Variants in TCF3 observed in about 807,000 individuals in gnomAD.
The protein encoded by TCF3 is transcription factor E2-alpha.
A neutral mutation model predicts 72.3 loss-of-function variants in TCF3; 54 were observed. The ratio of observed to expected loss-of-function variants is 0.75; its 90% CI spans 0.60 to 0.94. The LOEUF (loss-of-function observed/expected upper bound fraction) is 0.94, where lower values mean the gene tolerates loss of function less well. TCF3 is among the 40% of genes least tolerant of loss of function. TCF3 has a pLI of 0.00. For synonymous variants in TCF3, 525 were observed against 412.6 expected (o/e 1.27, Z -3.30); for missense variants, 1,078 against 934.4 (o/e 1.15, Z -2.00).
intron 3 of TCF3, among the ~76,000 whole-genome samples, chr19:1,635,448 C>G (rs1442491019): frequency 6.6e-6 from 1 of 152,130 alleles, no homozygotes; most frequent in Non-Finnish European, 1.5e-5. Context: ...AAAGACCAAA[C>G]TCTTTCCTGA....
rs755143630 is a variant in TCF3, at chr19:1,615,637, T to C, written c.1586+49A>G. 32 of 1,583,426 alleles carry C rather than the reference T, an allele frequency of 2.0e-5. No homozygotes were observed. Among genetic ancestry groups the C allele is most frequent in the Non-Finnish European group, 2.6e-5 (30 of 1,166,312 alleles). ...GGTGTGCGTGTGGCCTGTGCACATGTGCGTCCTGATGGGGTGAGGGTGGGG... is the reference window on the plus strand; with the variant it reads ...GGTGTGCGTGTGGCCTGTGCACATGCGCGTCCTGATGGGGTGAGGGTGGGG... On this transcript the variant is annotated intron_variant, in intron 17 of 18. Coordinates refer to ENST00000262965, the MANE Select transcript of TCF3 (RefSeq NM_003200.5). The surrounding 1 kb of genome is among the most constrained non-coding windows in gnomAD (Gnocchi z 7.3).
chr19:1,632,139 G>A, intron 4 of TCF3, 23 bp from the exon 5 acceptor site: 1 of 1,609,172 alleles, frequency 6.2e-7, no homozygotes, highest in African/African-American at 1.3e-5. Context: ...GGGTGGGGAT[G>A]AGAGGTGCTG....
rs111887751 is a variant in TCF3, at chr19:1,648,822, G to T, written c.72+1355C>A. Among the ~76,000 whole-genome samples the T allele has an allele frequency of 1.6e-4, 23 of 148,148 alleles. 1 individual carries two copies. Among genetic ancestry groups the T allele is most frequent in the African/African-American group, 2.9e-4 (11 of 38,358 alleles). ...CCAAACGCTGCCACTGGGCATGGGG[G>T]GGGGGGGGGAGCAGAATTTAAGGAC... On this transcript the variant is annotated intron_variant, in intron 2 of 18. Transcript: ENST00000262965.
chr19:1,617,957 G>A (rs2061724267), intron 16 of TCF3, among the ~76,000 whole-genome samples: 1 of 152,168 alleles, frequency 6.6e-6, no homozygotes, highest in Non-Finnish European at 1.5e-5. Flanking sequence ...GCCTAGGAGT[G>A]ATAGAATCAA....
At position 1,614,353 on chromosome 19, in the gene TCF3, G is replaced by A. The variant is rs911738591; in HGVS notation, c.1822+932C>T. 1.3e-5 allele frequency among the ~76,000 whole-genome samples: 2 copies of A among 152,220 alleles called. No individual in the cohort carries two copies. The highest frequency in any genetic ancestry group is 2.4e-5 in the African/African-American group (1 of 41,456). On this transcript the variant is annotated intron_variant, in intron 18 of 18. Transcript: ENST00000262965. The surrounding 1 kb of genome is among the most constrained non-coding windows in gnomAD (Gnocchi z 5.6). ...TTCTTCCCGCAAGCCCTGACGGGGG[G>A]CTTTGGGGGAGGAAACGCCCTGAGG...
intron 5 of TCF3, among the ~76,000 whole-genome samples, chr19:1,631,615 G>C (rs1480446123): frequency 6.6e-6 from 1 of 152,050 alleles, no homozygotes; most frequent in Admixed American, 6.6e-5. Flanking sequence ...CAGGGAAAGA[G>C]GGCGGGCGGG....
chr19:1,644,115 A>G (rs1287744357), intron 3 of TCF3, among the ~76,000 whole-genome samples: 1 of 152,210 alleles, frequency 6.6e-6, no homozygotes, highest in Non-Finnish European at 1.5e-5. Flanking sequence ...CTCGGAGAGG[A>G]GAAGCAGGAA....
At chr19:1,627,482 C>T (rs975213796) in intron 5 of TCF3, 56 bp from the exon 6 acceptor site, 4 of 1,519,442 alleles carry the variant, frequency 2.6e-6, no homozygotes, top group East Asian at 2.3e-5. Context: ...ATCCTGAGGG[C>T]CCCCGAGTGC....
chr19:1,611,337 T>G lies in TCF3; in HGVS notation c.*370A>C, dbSNP rs1252110185. 4 of 393,726 alleles carry G rather than the reference T, an allele frequency of 1.0e-5. No individual in the cohort carries two copies. Among genetic ancestry groups the G allele is most frequent in the African/African-American group, 2.1e-5 (1 of 48,434 alleles). 24.4% of individuals were successfully genotyped at this position (393,726 alleles called of 1,614,324 possible). ...CATTTTTTTCTTCTCTGACAAAGTG[T>G]ATGTTTTGTTGCTTGCTTTCAGGTT... On this transcript the variant is annotated 3_prime_UTR_variant, in exon 19 of 19. Coordinates refer to ENST00000262965, the MANE Select transcript of TCF3 (RefSeq NM_003200.5).
intron 7 of TCF3, 87 bp from the exon 8 acceptor site, chr19:1,624,087 C>T: frequency 1.4e-6 from 2 of 1,386,252 alleles, no homozygotes; most frequent in South Asian, 1.2e-5. Flanking sequence ...CCTCACAATT[C>T]CCGTTTCATA....
At chr19:1,619,041 C>A in intron 16 of TCF3, 70 bp downstream of exon 16, 1 of 1,593,988 alleles carries the variant, frequency 6.3e-7, no homozygotes, top group South Asian at 1.1e-5. Context: ...ACCCTGACCC[C>A]CACCACTAGA....
At chr19:1,634,729 G>C (rs536846045) in intron 3 of TCF3, among the ~76,000 whole-genome samples, 2 of 152,186 alleles carry the variant, frequency 1.3e-5, no homozygotes, top group Non-Finnish European at 1.5e-5. Context: ...AGTAAATACC[G>C]GGTAGGACTG....
intron 4 of TCF3, 69 bp downstream of exon 4, chr19:1,632,263 C>T (rs1041563675): frequency 1.2e-5 from 18 of 1,548,106 alleles, no homozygotes; most frequent in African/African-American, 2.7e-5. Flanking sequence ...GCCTCAGTTT[C>T]CCCACACCCC....
At position 1,622,368 on chromosome 19, in the gene TCF3, G is replaced by T; in HGVS notation, c.597C>A (p.Ala199=). 1 of 1,527,672 alleles carries T rather than the reference G, an allele frequency of 6.5e-7. No individual in the cohort carries two copies. The highest frequency in any genetic ancestry group is 8.8e-7 in the Non-Finnish European group (1 of 1,138,752). 94.6% of individuals were successfully genotyped at this position (1,527,672 alleles called of 1,614,324 possible). ...TGCTGGGGGTCTTGGCGGACGGGTA[G>T]GCGGTGGCATCCCTGCCGTAGTCCT... ...SGEDYGRDAT[A]YPSAKTPSST... is the part of the protein sequence containing the mutation. The change falls in exon 9 of 19, where the codon GCC becomes GCA. Residue 199 remains alanine, a synonymous_variant. Coordinates refer to ENST00000262965, the MANE Select transcript of TCF3 (RefSeq NM_003200.5).
chr19:1,624,930 C>T (rs2062701486), intron 7 of TCF3, among the ~76,000 whole-genome samples: 1 of 152,216 alleles, frequency 6.6e-6, no homozygotes, highest in Admixed American at 6.5e-5. Flanking sequence ...ATTGCAGCCT[C>T]GAACTCCCAG....
At chr19:1,633,281 T>G (rs1357105066) in intron 3 of TCF3, among the ~76,000 whole-genome samples, 1 of 152,192 alleles carries the variant, frequency 6.6e-6, no homozygotes, top group South Asian at 2.1e-4. Context: ...GTTGCTGCCC[T>G]GCCTTGGTTT....
intron 3 of TCF3, among the ~76,000 whole-genome samples, chr19:1,639,177 G>A (rs1359855757): frequency 6.6e-6 from 1 of 152,228 alleles, no homozygotes; most frequent in Non-Finnish European, 1.5e-5. Flanking sequence ...CCGAGCAGCT[G>A]GGATTGCAGG....
chr19:1,642,854 T>C (rs548915690), intron 3 of TCF3, among the ~76,000 whole-genome samples: 47 of 152,284 alleles, frequency 3.1e-4, no homozygotes, highest in Middle Eastern at 3.4e-3. Flanking sequence ...AAATGACCCA[T>C]GCGCCAGGTT....
At chr19:1,621,724 C>A in intron 11 of TCF3, 114 bp downstream of exon 11, 1 of 1,365,472 alleles carries the variant, frequency 7.3e-7, no homozygotes, top group Non-Finnish European at 9.7e-7. Flanking sequence ...AACCCGCTCT[C>A]AGGGCCAGCA....
Sources: allele counts gnomAD v4.1 joint callset (sites outside exome capture counted in the v4.1 genomes callset), GRCh38; gene constraint gnomAD v4.1.1; non-coding constraint Gnocchi (gnomAD v3.1); transcripts MANE v1.5; gene names NCBI Gene and HGNC (gene_info 2026-07-23, HGNC 2026-07-21).